SAP30BP: variants seen among roughly 807,000 people sequenced by gnomAD.
SAP30BP encodes the protein SAP30 binding protein.
SAP30BP carries 31 observed loss-of-function variants against 46.3 expected under a neutral mutation model. That is an observed-to-expected ratio of 0.67 (90% CI 0.50 to 0.90). The LOEUF is 0.90. SAP30BP is among the 40% of genes least tolerant of loss of function. The pLI, the probability that SAP30BP is intolerant of heterozygous loss-of-function variation, is 0.00. For missense variants in SAP30BP, 312 were observed against 391.0 expected (o/e 0.80, Z 1.70); for synonymous variants, 169 against 144.2 (o/e 1.17, Z -1.23).
intron 2 of SAP30BP, among the ~76,000 whole-genome samples, chr17:75,670,543 G>A (rs893927651): frequency 6.6e-6 from 1 of 152,160 alleles, no homozygotes; most frequent in Non-Finnish European, 1.5e-5. Flanking sequence ...TTTGCATAAT[G>A]TGTTTTTGAA....
At chr17:75,701,032 A>G (rs550533191) in intron 5 of SAP30BP, among the ~76,000 whole-genome samples, 2 of 152,026 alleles carry the variant, frequency 1.3e-5, no homozygotes, top group Non-Finnish European at 2.9e-5. Context: ...CCTGGAGGAG[A>G]CAGCTTGGAG....
rs1287087489 is a variant in SAP30BP, at chr17:75,674,690, G to GTTTTTTTTTTTTTTTTTTTT, written c.264+2833_264+2834insTTTTTTTTTTTTTTTTTTTT. Among the ~76,000 whole-genome samples, 33 of 39,594 alleles carry GTTTTTTTTTTTTTTTTTTTT rather than the reference G, an allele frequency of 8.3e-4. 4 individuals are homozygous for GTTTTTTTTTTTTTTTTTTTT. Among genetic ancestry groups the GTTTTTTTTTTTTTTTTTTTT allele is most frequent in the African/African-American group, 1.5e-3 (23 of 15,124 alleles). The allele number at this position is 39,594 out of a possible 152,430, so 26.0% of individuals were successfully genotyped here. A position where few individuals can be genotyped will look rare whatever the true frequency, so the allele number is the denominator to read the frequency against. ...TTAAGCATATGAAGTTTTTTTGTTT[G>GTTTTTTTTTTTTTTTTTTTT]TTTTTTGTTTTTTTTTTTTTTTTTT... On this transcript the variant is annotated intron_variant, in intron 3 of 10. Coordinates refer to ENST00000584667, the MANE Select transcript of SAP30BP (RefSeq NM_013260.8).
intron 4 of SAP30BP, among the ~76,000 whole-genome samples, chr17:75,697,767 G>A (rs374957920): frequency 2.6e-5 from 4 of 152,230 alleles, no homozygotes; most frequent in African/African-American, 4.8e-5. Flanking sequence ...GACTGGCAGA[G>A]TCTGGGAGCC....
chr17:75,674,483 A>T (rs1488273350), intron 3 of SAP30BP, among the ~76,000 whole-genome samples: 1 of 151,510 alleles, frequency 6.6e-6, no homozygotes, highest in Non-Finnish European at 1.5e-5. Flanking sequence ...TTTAATAGAG[A>T]CAGGGTTTCA....
At chr17:75,703,180 A>G (rs1345718159) in intron 6 of SAP30BP, 131 bp from the exon 7 acceptor site, 1 of 786,378 alleles carries the variant, frequency 1.3e-6, no homozygotes, top group African/African-American at 1.7e-5. Context: ...GCCATCAGGA[A>G]GCTTGCTTAG....
chr17:75,677,926 A>G (rs1198551611), intron 3 of SAP30BP, among the ~76,000 whole-genome samples: 1 of 152,058 alleles, frequency 6.6e-6, no homozygotes, highest in Non-Finnish European at 1.5e-5. Context: ...AAAAACTACT[A>G]TTATTCTAAA....
rs959385095 is a variant in SAP30BP at position 75,707,342 on chromosome 17, C to T, written c.*821C>T. 1.3e-5 allele frequency: 2 copies of T among 152,726 alleles called. No homozygotes were observed. The highest frequency in any genetic ancestry group is 2.9e-5 in the Non-Finnish European group (2 of 68,118). 9.5% of individuals were successfully genotyped at this position (152,726 alleles called of 1,614,324 possible). On this transcript the variant is annotated 3_prime_UTR_variant, in exon 11 of 11. Coordinates refer to ENST00000584667, the MANE Select transcript of SAP30BP (RefSeq NM_013260.8). ...CTGGGAGGGCTCCTGCCACCCCACC[C>T]TTCCTCTGTGTGTTATCTCTGCCCC...
intron 4 of SAP30BP, among the ~76,000 whole-genome samples, chr17:75,699,535 C>T (rs1174126263): frequency 6.6e-6 from 1 of 151,238 alleles, no homozygotes; most frequent in Non-Finnish European, 1.5e-5. Context: ...GAAAAGTTAA[C>T]TGCTGTATAC....
chr17:75,700,062 C>T (rs1415748673), intron 5 of SAP30BP, 191 bp downstream of exon 5: 1 of 457,100 alleles, frequency 2.2e-6, no homozygotes, highest in Non-Finnish European at 4.0e-6. Context: ...TTGGCTCCTA[C>T]ACCCACCGCC....
rs1001830509 is a variant in SAP30BP at position 75,705,787 on chromosome 17, G to A, written c.661-221G>A. Reference sequence around the variant, plus strand: ...GCATGTGCAGAGACCTGGTGATGCCGGGAGGGATACAGTACTGTTTGGAAA... The same window carrying A: ...GCATGTGCAGAGACCTGGTGATGCCAGGAGGGATACAGTACTGTTTGGAAA... On this transcript the variant is annotated intron_variant, in intron 9 of 10. Coordinates refer to ENST00000584667, the MANE Select transcript of SAP30BP (RefSeq NM_013260.8). 4.9e-5 allele frequency: 50 copies of A among 1,018,046 alleles called. 1 individual carries two copies. The Middle Eastern group carries it at 1.1e-3, about 22-fold the overall frequency. The allele number at this position is 1,018,046 out of a possible 1,614,324, so 63.1% of individuals were successfully genotyped here.
chr17:75,695,300 A>G lies in SAP30BP; in HGVS notation c.307+1818A>G, dbSNP rs960762506. ...CCTTCCCCAGATGTGACAGTGATCAATGTCTCCAGACATTGCCAAATGTCC... is the reference window on the plus strand; with the variant it reads ...CCTTCCCCAGATGTGACAGTGATCAGTGTCTCCAGACATTGCCAAATGTCC... On this transcript the variant is annotated intron_variant, in intron 4 of 10. Transcript: ENST00000584667. Among the ~76,000 whole-genome samples, 12 of 152,320 alleles carry G rather than the reference A, an allele frequency of 7.9e-5. No homozygotes were observed. In the South Asian group the frequency reaches 1.0e-3, roughly 13 times the overall value.
Position 75,704,722 on chromosome 17 carries a change from G to A in SAP30BP, c.602-34G>A, listed in dbSNP as rs375361840. ...TCCCTCAGCCCAGAGCTGCTCGGGG[G>A]CCACCTTTGTAACAGCTTCTCTTGT... is the stretch of plus-strand genomic sequence containing the variant. On this transcript the variant is annotated intron_variant, in intron 8 of 10. Transcript: ENST00000584667. 1.8e-5 allele frequency: 28 copies of A among 1,575,014 alleles called. No individual in the cohort carries two copies. In the African/African-American group the frequency reaches 3.4e-4, roughly 19 times the overall value.
At position 75,706,037 on chromosome 17, in the gene SAP30BP, C is replaced by G; in HGVS notation, c.690C>G (p.Gly230=). The G allele has an allele frequency of 6.2e-7, 1 of 1,613,800 alleles. No individual in the cohort carries two copies. Among genetic ancestry groups the G allele is most frequent in the Non-Finnish European group, 8.5e-7 (1 of 1,180,012 alleles). ...AGTTTGTGACGGGCACCAAAAAAGGCACCACGACCAACGCCACGTCCACCA... is the reference window on the plus strand; with the variant it reads ...AGTTTGTGACGGGCACCAAAAAAGGGACCACGACCAACGCCACGTCCACCA... ...KIEFVTGTKK[G]TTTNATSTTT... The change falls in exon 10 of 11, where the codon GGC becomes GGG. Residue 230 remains glycine (G), a synonymous_variant. Coordinates refer to ENST00000584667, the MANE Select transcript of SAP30BP (RefSeq NM_013260.8). The surrounding 1 kb of genome is among the most constrained non-coding windows in gnomAD (Gnocchi z 4.6).
chr17:75,675,450 C>G (rs1030840925), intron 3 of SAP30BP, among the ~76,000 whole-genome samples: 9 of 152,210 alleles, frequency 5.9e-5, no homozygotes, highest in African/African-American at 2.2e-4. Context: ...CGCCCGGCCT[C>G]TACTATGGTT....
At chr17:75,681,529 C>T (rs1229540984) in intron 3 of SAP30BP, among the ~76,000 whole-genome samples, 1 of 152,174 alleles carries the variant, frequency 6.6e-6, no homozygotes, top group Non-Finnish European at 1.5e-5. Flanking sequence ...TACTCCTGAT[C>T]TTTTGAAGTA....
intron 4 of SAP30BP, among the ~76,000 whole-genome samples, chr17:75,693,901 A>T (rs2060275920): frequency 6.6e-6 from 1 of 152,214 alleles, no homozygotes; most frequent in Admixed American, 6.5e-5. Flanking sequence ...GTCCCCAGGC[A>T]GGAACATGCC....
chr17:75,705,895 CA>C (rs2060489135), intron 9 of SAP30BP, 112 bp from the exon 10 acceptor site: 2 of 1,467,174 alleles, frequency 1.4e-6, no homozygotes, highest in Non-Finnish European at 1.9e-6. Flanking sequence ...AGTTCATTTC[CA>C]ATGCCTCTTT....
chr17:75,671,739 C>A (rs1215841421), intron 2 of SAP30BP, 77 bp from the exon 3 acceptor site: 3 of 1,135,732 alleles, frequency 2.6e-6, no homozygotes, highest in Non-Finnish European at 4.0e-6. Context: ...GCTGTTTGCT[C>A]CGGCCCCTAG....
intron 4 of SAP30BP, among the ~76,000 whole-genome samples, chr17:75,698,840 C>G (rs915755804): frequency 2.0e-5 from 3 of 152,180 alleles, no homozygotes; most frequent in African/African-American, 7.2e-5. Context: ...CTTCCCCATC[C>G]CCACGCCCAG....
Sources: allele counts gnomAD v4.1 joint callset (sites outside exome capture counted in the v4.1 genomes callset), GRCh38; gene constraint gnomAD v4.1.1; non-coding constraint Gnocchi (gnomAD v3.1); transcripts MANE v1.5; gene names NCBI Gene and HGNC (gene_info 2026-07-23, HGNC 2026-07-21).